The following ZZEF1 variants were observed in gnomAD, a reference collection of about 807,000 sequenced individuals.
The protein encoded by ZZEF1 is zinc finger ZZ-type and EF-hand domain containing 1, also known as zinc finger ZZ-type and EF-hand domain-containing protein 1.
In ZZEF1, 157 loss-of-function variants were observed where a neutral mutation model predicts 342.8. That is an observed-to-expected ratio of 0.46 (90% CI 0.40 to 0.52). The LOEUF is 0.52. Among genes scored for constraint, ZZEF1 ranks in the 20% least tolerant of loss-of-function variants. The probability of loss-of-function intolerance (pLI) is 0.00; values close to 1 mark genes in which losing one functional copy is unlikely to be tolerated. For missense variants in ZZEF1, 3,480 were observed against 3,725.6 expected, an observed-to-expected ratio of 0.93 and a Z score of 1.72; for synonymous variants, 1,505 against 1,429.1, an observed-to-expected ratio of 1.05 and a Z score of -1.20.
In ZZEF1 at chr17:4,083,305, A is replaced by G. The variant is rs542211671; in HGVS notation, c.2647-801T>C. 2.6e-5 allele frequency among the ~76,000 whole-genome samples: 4 copies of G among 152,348 alleles called. 1 individual carries two copies. The South Asian group carries it at 6.2e-4, about 24-fold the overall frequency. ...GTGTAGGACACATGCTTGGAAATTA[A>G]TCATTTGCTCAGCTACCTGGTAAAC... On this transcript the variant is annotated intron_variant, in intron 16 of 54. Transcript: ENST00000381638.
intron 37 of ZZEF1, among the ~76,000 whole-genome samples, chr17:4,045,372 G>A (rs1285785605): frequency 1.3e-5 from 2 of 152,148 alleles, no homozygotes; most frequent in Non-Finnish European, 2.9e-5. Context: ...AGTATAAAAA[G>A]TTGTGACTTC....
chr17:4,093,140 A>C (rs2057975338), intron 11 of ZZEF1, among the ~76,000 whole-genome samples: 1 of 152,120 alleles, frequency 6.6e-6, no homozygotes, highest in Non-Finnish European at 1.5e-5. Flanking sequence ...TTAAAAAAAA[A>C]TCATCCTGTA....
chr17:4,048,827 C>T (rs2056982468), intron 37 of ZZEF1, among the ~76,000 whole-genome samples: 1 of 151,954 alleles, frequency 6.6e-6, no homozygotes, highest in Non-Finnish European at 1.5e-5. Flanking sequence ...GATTCCCCTG[C>T]CTCTCGAGTA....
intron 15 of ZZEF1, among the ~76,000 whole-genome samples, chr17:4,086,090 C>G (rs1267799813): frequency 6.6e-6 from 1 of 152,154 alleles, no homozygotes; most frequent in African/African-American, 2.4e-5. Context: ...TGTTTCACTC[C>G]CCCTCAATCT....
rs1050221828 is a variant in ZZEF1 at position 4,142,956 on chromosome 17, T to C, written c.-61A>G. ...CCGCCGCCGCCTCCCCGCCTCGACCTGTCAACCTCCGACAGCAGCTGGCGG... is the reference window on the plus strand; with the variant it reads ...CCGCCGCCGCCTCCCCGCCTCGACCCGTCAACCTCCGACAGCAGCTGGCGG... On this transcript the variant is annotated 5_prime_UTR_variant, in exon 1 of 55. Transcript: ENST00000381638. The C allele has an allele frequency of 2.3e-6, 3 of 1,293,732 alleles. No homozygotes were observed. The highest frequency in any genetic ancestry group is 2.9e-6 in the Non-Finnish European group (3 of 1,024,540). 80.1% of individuals were successfully genotyped at this position (1,293,732 alleles called of 1,614,324 possible).
At chr17:4,127,868 C>A (rs1309142600) in intron 1 of ZZEF1, among the ~76,000 whole-genome samples, 1 of 152,182 alleles carries the variant, frequency 6.6e-6, no homozygotes, top group African/African-American at 2.4e-5. Context: ...GGGAACGCAC[C>A]TATAGCCGCC....
intron 6 of ZZEF1, among the ~76,000 whole-genome samples, chr17:4,107,366 G>A (rs533966823): frequency 3.9e-5 from 6 of 152,232 alleles, no homozygotes; most frequent in African/African-American, 1.4e-4. Context: ...AGATGGGACT[G>A]TGCAGTGCAG....
At chr17:4,135,457 G>C (rs2058733074) in intron 1 of ZZEF1, among the ~76,000 whole-genome samples, 2 of 138,080 alleles carry the variant, frequency 1.4e-5, no homozygotes, top group Admixed American at 1.5e-4. Context: ...CTGGGCAACA[G>C]AGCAAGACTC....
chr17:4,083,430 T>C (rs2057761034), intron 16 of ZZEF1, among the ~76,000 whole-genome samples: 1 of 152,184 alleles, frequency 6.6e-6, no homozygotes, highest in African/African-American at 2.4e-5. Flanking sequence ...TGAGAAGTGA[T>C]TCCTCAGGCT....
chr17:4,137,811 A>G (rs574151361), intron 1 of ZZEF1, among the ~76,000 whole-genome samples: 1 of 152,208 alleles, frequency 6.6e-6, no homozygotes, highest in African/African-American at 2.4e-5. Context: ...AACAGGTAAC[A>G]GGAGCCTCAG....
intron 39 of ZZEF1, among the ~76,000 whole-genome samples, chr17:4,038,867 GC>G (rs1458475783): frequency 3.1e-4 from 47 of 152,242 alleles, no homozygotes; most frequent in African/African-American, 1.1e-3. Context: ...CAAGAGGAAT[GC>G]AGCGACTTAC....
intron 11 of ZZEF1, among the ~76,000 whole-genome samples, chr17:4,094,810 T>A (rs1324413597): frequency 6.6e-6 from 1 of 152,088 alleles, no homozygotes; most frequent in Non-Finnish European, 1.5e-5. Context: ...ATCTCTGCAC[T>A]GCTGCTGCTG....
chr17:4,070,928 G>T lies in ZZEF1; in HGVS notation c.3835-4C>A. The T allele has an allele frequency of 6.2e-7, 1 of 1,602,334 alleles. No homozygotes were observed. The highest frequency in any genetic ancestry group is 8.5e-7 in the Non-Finnish European group (1 of 1,176,014). On this transcript the variant is annotated splice_region_variant and splice_polypyrimidine_tract_variant and intron_variant, in intron 25 of 54. Coordinates refer to ENST00000381638, the MANE Select transcript of ZZEF1 (RefSeq NM_015113.4). ...GGTCGTCAGGAATGTTCTTAACCTGGAAACAAAAAATAAACCCATCACATT... is the reference window on the plus strand; with the variant it reads ...GGTCGTCAGGAATGTTCTTAACCTGTAAACAAAAAATAAACCCATCACATT...
At chr17:4,052,990 C>G (rs976066268) in intron 34 of ZZEF1, among the ~76,000 whole-genome samples, 1 of 152,216 alleles carries the variant, frequency 6.6e-6, no homozygotes, top group Admixed American at 6.5e-5. Flanking sequence ...CCTTCTCACT[C>G]TAAGCTCTGT....
At chr17:4,123,752 A>G (rs1027910718) in intron 2 of ZZEF1, among the ~76,000 whole-genome samples, 155 bp downstream of exon 2, 3 of 152,258 alleles carry the variant, frequency 2.0e-5, no homozygotes, top group Admixed American at 2.0e-4. Context: ...CTGGGGATGA[A>G]AGAGATGACT....
chr17:4,064,582 G>T lies in ZZEF1; in HGVS notation c.4497C>A (p.Ser1499=). 6.2e-7 allele frequency: 1 copy of T among 1,614,202 alleles called. No homozygotes were observed. Among genetic ancestry groups the T allele is most frequent in the Non-Finnish European group, 8.5e-7 (1 of 1,180,044 alleles). ...CGTCTGCAGCAGGAAGGCCACTGCT[G>T]GATGGCAGCTTTGGCTGGGTGCCCA... ...PGLGTQPKLP[S]SSGLPAADVS... The change falls in exon 29 of 55, where the codon TCC becomes TCA. Residue 1499 remains serine (S), a synonymous_variant. Coordinates refer to ENST00000381638, the MANE Select transcript of ZZEF1 (RefSeq NM_015113.4).
intron 1 of ZZEF1, among the ~76,000 whole-genome samples, chr17:4,138,745 TAGA>T (rs1484823319): frequency 5.3e-5 from 8 of 152,374 alleles, no homozygotes; most frequent in South Asian, 2.1e-4. Context: ...TTTTCTGCCC[TAGA>T]AGATTTTCTA....
At chr17:4,045,823 T>C (rs2056900385) in intron 37 of ZZEF1, among the ~76,000 whole-genome samples, 1 of 138,936 alleles carries the variant, frequency 7.2e-6, no homozygotes, top group African/African-American at 2.9e-5. Flanking sequence ...GCTGTTTTTT[T>C]GTTCTTGTTT....
intron 15 of ZZEF1, 56 bp from the exon 16 acceptor site, chr17:4,085,859 A>G (rs2057809302): frequency 1.9e-6 from 3 of 1,600,252 alleles, no homozygotes; most frequent in Non-Finnish European, 2.6e-6. Context: ...TCGCTTATAC[A>G]TCTGCTATAA....
Sources: allele counts gnomAD v4.1 joint callset (sites outside exome capture counted in the v4.1 genomes callset), GRCh38; gene constraint gnomAD v4.1.1; transcripts MANE v1.5; gene names NCBI Gene and HGNC (gene_info 2026-07-23, HGNC 2026-07-21).